Variants in GALNTL6 observed in about 807,000 individuals in gnomAD.
The protein encoded by GALNTL6 is polypeptide N-acetylgalactosaminyltransferase-like 6.
Under a neutral mutation model 73.7 loss-of-function variants are expected in GALNTL6, and 46 were observed. The ratio of observed to expected loss-of-function variants is 0.62; its 90% CI spans 0.49 to 0.80. The LOEUF is 0.80. Among genes scored for constraint, GALNTL6 ranks in the 30% least tolerant of loss-of-function variants. The pLI is 0.00. For synonymous variants in GALNTL6, 259 were observed against 263.7 expected, an observed-to-expected ratio of 0.98 and a Z score of 0.17; for missense variants, 604 against 755.0, an observed-to-expected ratio of 0.80 and a Z score of 2.34.
chr4:172,034,592 A>T (rs186594199), intron 2 of GALNTL6, among the ~76,000 whole-genome samples: 14 of 152,278 alleles, frequency 9.2e-5, no homozygotes, highest in African/African-American at 3.1e-4. Context: ...TACATTTGCC[A>T]AAGTAATATG....
intron 5 of GALNTL6, among the ~76,000 whole-genome samples, chr4:172,796,303 A>G (rs1740260234): frequency 6.6e-6 from 1 of 152,136 alleles, no homozygotes; most frequent in South Asian, 2.1e-4. Flanking sequence ...AGTACTTACA[A>G]TATTCCAGGC....
At chr4:172,430,709 G>A (rs1731416010) in intron 5 of GALNTL6, among the ~76,000 whole-genome samples, 1 of 152,116 alleles carries the variant, frequency 6.6e-6, no homozygotes, top group African/African-American at 2.4e-5. Context: ...GGAGGCTGAG[G>A]CCAGAGGTTT....
At chr4:172,322,386 C>T (rs1740792067) in intron 4 of GALNTL6, among the ~76,000 whole-genome samples, 1 of 152,088 alleles carries the variant, frequency 6.6e-6, no homozygotes, top group Admixed American at 6.5e-5. Context: ...TTGCTACAGA[C>T]CCATACAAAT....
At chr4:172,150,574 T>C (rs1172964184) in intron 2 of GALNTL6, among the ~76,000 whole-genome samples, 2 of 152,140 alleles carry the variant, frequency 1.3e-5, no homozygotes, top group Non-Finnish European at 1.5e-5. Context: ...TGATGTTGCA[T>C]AGAAAGGAAA....
chr4:171,952,286 A>G (rs1738907922), intron 2 of GALNTL6, among the ~76,000 whole-genome samples: 2 of 152,080 alleles, frequency 1.3e-5, no homozygotes. Context: ...CCCCATAAGC[A>G]TAAAGTACAT....
At chr4:172,800,728 T>C (rs1286253633) in intron 5 of GALNTL6, among the ~76,000 whole-genome samples, 1 of 152,164 alleles carries the variant, frequency 6.6e-6, no homozygotes, top group Non-Finnish European at 1.5e-5. Flanking sequence ...TTGATTATGG[T>C]AAGTTCAAAA....
chr4:172,558,073 T>C (rs1419475844), intron 5 of GALNTL6, among the ~76,000 whole-genome samples: 1 of 152,080 alleles, frequency 6.6e-6, no homozygotes, highest in Non-Finnish European at 1.5e-5. Context: ...TATAAAATAA[T>C]GGAATGATGA....
In GALNTL6 at chr4:172,714,306, AACACACACACACAC is replaced by A. The variant is rs3084330; in HGVS notation, c.554-95036_554-95023del. ...ATTTTACAGTGGTGGTTTCACACCA[AACACACACACACAC>A]ACACACACACACACACACTCATCTG... On this transcript the variant is annotated intron_variant, in intron 5 of 12. Transcript: ENST00000506823. Among the ~76,000 whole-genome samples, 5 of 149,172 alleles carry A rather than the reference AACACACACACACAC, an allele frequency of 3.4e-5. No individual in the cohort carries two copies. In the East Asian group the frequency reaches 6.0e-4, roughly 18 times the overall value.
At chr4:172,064,980 T>C (rs1731316100) in intron 2 of GALNTL6, among the ~76,000 whole-genome samples, 1 of 152,190 alleles carries the variant, frequency 6.6e-6, no homozygotes. Context: ...ATGTTAAAAG[T>C]AGTCATGAGC....
intron 2 of GALNTL6, among the ~76,000 whole-genome samples, chr4:172,022,629 A>C (rs936970224): frequency 6.6e-6 from 1 of 151,524 alleles, no homozygotes; most frequent in South Asian, 2.1e-4. Context: ...TTTCATCACT[A>C]TTCACCCTTA....
At chr4:171,836,359 C>A (rs1472179197) in intron 2 of GALNTL6, among the ~76,000 whole-genome samples, 1 of 151,918 alleles carries the variant, frequency 6.6e-6, no homozygotes, top group Non-Finnish European at 1.5e-5. Context: ...GCAACAATGA[C>A]CGTTAAACAG....
intron 5 of GALNTL6, among the ~76,000 whole-genome samples, chr4:172,480,915 C>CA (rs1322253870): frequency 1.3e-5 from 2 of 152,172 alleles, no homozygotes; most frequent in Non-Finnish European, 1.5e-5. Context: ...TCAAAGCACA[C>CA]AATGCCCCTT....
intron 2 of GALNTL6, among the ~76,000 whole-genome samples, chr4:171,849,706 T>A (rs1280465284): frequency 6.6e-6 from 1 of 152,156 alleles, no homozygotes; most frequent in South Asian, 2.1e-4. Flanking sequence ...GATATAGGAA[T>A]TTGGAAAAGA....
At position 172,133,374 on chromosome 4, in the gene GALNTL6, G is replaced by T. The variant is rs1052170105; in HGVS notation, c.139-96282G>T. On this transcript the variant is annotated intron_variant, in intron 2 of 12. Coordinates refer to ENST00000506823, the MANE Select transcript of GALNTL6 (RefSeq NM_001034845.3). ...AGTTGTTCCATCTATGTAGAAATTA[G>T]ATTATTGGGATTTGGAAGTAATAAA... Among the ~76,000 whole-genome samples, 5 of 152,166 alleles carry T rather than the reference G, an allele frequency of 3.3e-5. No homozygotes were observed. The East Asian group carries it at 9.6e-4, about 29-fold the overall frequency.
intron 2 of GALNTL6, among the ~76,000 whole-genome samples, chr4:172,163,528 A>G (rs1734534185): frequency 6.6e-6 from 1 of 152,060 alleles, no homozygotes; most frequent in South Asian, 2.1e-4. Flanking sequence ...TCCTTTTCTC[A>G]GAAACGATTT....
chr4:172,387,157 G>A (rs1044549053), intron 5 of GALNTL6, among the ~76,000 whole-genome samples: 3 of 152,052 alleles, frequency 2.0e-5, no homozygotes, highest in Non-Finnish European at 4.4e-5. Flanking sequence ...ACCTTCTATG[G>A]GAGTATGGTT....
At chr4:171,843,966 T>C (rs1735306811) in intron 2 of GALNTL6, among the ~76,000 whole-genome samples, 1 of 152,174 alleles carries the variant, frequency 6.6e-6, no homozygotes, top group Non-Finnish European at 1.5e-5. Flanking sequence ...TCTGCTAGAA[T>C]TTGATATTGA....
intron 5 of GALNTL6, among the ~76,000 whole-genome samples, chr4:172,372,235 A>G (rs572325635): frequency 6.6e-6 from 1 of 152,264 alleles, no homozygotes; most frequent in South Asian, 2.1e-4. Context: ...ATAAGTCTGG[A>G]CTATAATTTG....
At position 172,193,689 on chromosome 4, in the gene GALNTL6, C is replaced by T. The variant is rs373626825; in HGVS notation, c.139-35967C>T. Among the ~76,000 whole-genome samples, 69 of 151,840 alleles carry T rather than the reference C, an allele frequency of 4.5e-4. 2 individuals carry two copies. In the East Asian group the frequency reaches 0.011, roughly 23 times the overall value. ...CATCCTGGCTAACATGGTGAAACCC[C>T]GTCTCTACTAAAAATACAAAAAAAT... is the stretch of plus-strand genomic sequence containing the variant. On this transcript the variant is annotated intron_variant, in intron 2 of 12. Coordinates refer to ENST00000506823, the MANE Select transcript of GALNTL6 (RefSeq NM_001034845.3).
Sources: gnomAD v4.1 joint callset for allele counts (sites outside exome capture counted in the v4.1 genomes callset) on GRCh38, gnomAD v4.1.1 for gene constraint, MANE v1.5 for transcripts, NCBI Gene and HGNC (gene_info 2026-07-23, HGNC 2026-07-21) for gene names.